The following SRRM4 variants were observed in gnomAD, a reference collection of about 807,000 sequenced individuals.
SRRM4 encodes the protein serine/arginine repetitive matrix 4.
SRRM4 carries 33 observed loss-of-function variants against 68.9 expected under a neutral mutation model. That is an observed-to-expected ratio of 0.48 (90% CI 0.36 to 0.64). The LOEUF (loss-of-function observed/expected upper bound fraction) is 0.64. Ranked by LOEUF, SRRM4 falls within the 30% of genes least tolerant of loss-of-function variation. SRRM4 has a pLI of 0.00. For synonymous variants in SRRM4, 318 were observed against 318.8 expected (o/e 1.00, Z 0.03); for missense variants, 817 against 827.1 (o/e 0.99, Z 0.15).
At chr12:119,020,918 GAGATGC>G (rs1565890808) in intron 1 of SRRM4, among the ~76,000 whole-genome samples, 5 of 152,220 alleles carry the variant, frequency 3.3e-5, no homozygotes, top group African/African-American at 1.2e-4. Flanking sequence ...ACAGGAAAAG[GAGATGC>G]CTTCTCGCCC....
chr12:119,056,055 C>T (rs868540866), intron 1 of SRRM4, among the ~76,000 whole-genome samples: 1 of 152,320 alleles, frequency 6.6e-6, no homozygotes, highest in Middle Eastern at 3.4e-3. Flanking sequence ...TACACCCTGG[C>T]TACAATTGCC....
intron 1 of SRRM4, among the ~76,000 whole-genome samples, chr12:119,065,698 G>A (rs895856288): frequency 6.6e-6 from 1 of 152,166 alleles, no homozygotes; most frequent in Non-Finnish European, 1.5e-5. Context: ...GTTGCAGTGA[G>A]CCGAGATTGT....
rs1486852211 is a variant in SRRM4, at chr12:119,011,803, G to A, written c.131+29790G>A. 2.0e-5 allele frequency among the ~76,000 whole-genome samples: 3 copies of A among 152,130 alleles called. No individual in the cohort carries two copies. In the East Asian group the frequency reaches 5.8e-4, roughly 29 times the overall value. On this transcript the variant is annotated intron_variant, in intron 1 of 12. Coordinates refer to ENST00000267260, the MANE Select transcript of SRRM4 (RefSeq NM_194286.4). Reference sequence around the variant, plus strand: ...AGACCAGTGCCATTGCCGAGTGTCAGTTGTGGGCATCTTACTGCACATAGC... The same window carrying A: ...AGACCAGTGCCATTGCCGAGTGTCAATTGTGGGCATCTTACTGCACATAGC...
intron 1 of SRRM4, among the ~76,000 whole-genome samples, chr12:119,060,153 T>C (rs1953801715): frequency 2.0e-5 from 3 of 152,052 alleles, no homozygotes; most frequent in Admixed American, 2.0e-4. Flanking sequence ...GCTTTGATAT[T>C]TCATGAACTA....
Position 119,154,298 on chromosome 12 carries a change from G to T in SRRM4, c.1447G>T (p.Ala483Ser), listed in dbSNP as rs555479589. ...KDSQQRERER[A>S]RRRRRSYSPM... ...CTCGCAGCAGCGGGAGCGCGAGCGA[G>T]CGCGTCGGAGACGTCGGTCCTACTC... Residue 483 changes from alanine to serine, a missense_variant, in exon 12 of 13, where the codon GCG becomes TCG. Transcript: ENST00000267260. The surrounding 1 kb of genome is among the most constrained non-coding windows in gnomAD (Gnocchi z 4.7). 6.2e-7 allele frequency: 1 copy of T among 1,611,798 alleles called. No individual in the cohort carries two copies. The highest frequency in any genetic ancestry group is 1.3e-5 in the African/African-American group (1 of 75,058).
Position 119,154,728 on chromosome 12 carries a change from A to T in SRRM4, c.1532+345A>T, listed in dbSNP as rs551408393. ...CTGGGGGAGAGAGTGGCGTCAGGCC[A>T]GGGAATGGAGGCCAAAGCAATGGAG... On this transcript the variant is annotated intron_variant, in intron 12 of 12. Transcript: ENST00000267260. This position sits in a 1 kb window ranked among gnomAD's most constrained non-coding sequence, Gnocchi z 4.7. Among the ~76,000 whole-genome samples the T allele has an allele frequency of 1.3e-5, 2 of 152,282 alleles. No homozygotes were observed. Among genetic ancestry groups the T allele is most frequent in the Admixed American group, 1.3e-4 (2 of 15,308 alleles).
intron 1 of SRRM4, among the ~76,000 whole-genome samples, chr12:119,089,720 T>C (rs1202356912): frequency 6.7e-6 from 1 of 150,318 alleles, no homozygotes; most frequent in African/African-American, 2.5e-5. Flanking sequence ...GACCACCCTC[T>C]CTATTCATCC....
intron 1 of SRRM4, among the ~76,000 whole-genome samples, chr12:119,033,700 G>GTTTC (rs1230646993): frequency 6.0e-5 from 9 of 150,990 alleles, no homozygotes; most frequent in African/African-American, 2.2e-4. Flanking sequence ...CTTTAGACAT[G>GTTTC]TTTCGTGTTT....
intron 2 of SRRM4, among the ~76,000 whole-genome samples, chr12:119,112,615 A>C (rs1223914163): frequency 6.6e-6 from 1 of 152,266 alleles, no homozygotes; most frequent in East Asian, 1.9e-4. Flanking sequence ...AATACTATGC[A>C]GTATTCCATA....
intron 1 of SRRM4, among the ~76,000 whole-genome samples, chr12:118,986,008 G>T (rs865949369): frequency 1.3e-5 from 2 of 151,960 alleles, no homozygotes; most frequent in African/African-American, 4.8e-5. Flanking sequence ...TCCTTTCTAC[G>T]CAGAATAGAC....
chr12:119,091,337 G>T (rs1954013118), intron 1 of SRRM4, among the ~76,000 whole-genome samples: 1 of 152,170 alleles, frequency 6.6e-6, no homozygotes, highest in South Asian at 2.1e-4. Flanking sequence ...TTCTGAAGTA[G>T]CCACTCAGCT....
chr12:119,101,990 C>T (rs1565908343), intron 1 of SRRM4, among the ~76,000 whole-genome samples: 1 of 152,088 alleles, frequency 6.6e-6, no homozygotes, highest in Non-Finnish European at 1.5e-5. Context: ...TTTCAGAATG[C>T]GTGGACTCTA....
chr12:118,986,462 T>C (rs1953282795), intron 1 of SRRM4, among the ~76,000 whole-genome samples: 1 of 152,206 alleles, frequency 6.6e-6, no homozygotes, highest in African/African-American at 2.4e-5. Flanking sequence ...AACGAGGTTG[T>C]GGTAGATGTT....
At chr12:119,138,086 C>T (rs7306368) in intron 8 of SRRM4, among the ~76,000 whole-genome samples, 2 of 151,748 alleles carry the variant, frequency 1.3e-5, no homozygotes, top group East Asian at 1.9e-4. Context: ...GTTTGGGGTC[C>T]GGAGAGCTCA....
intron 1 of SRRM4, among the ~76,000 whole-genome samples, chr12:119,077,315 T>C (rs1953922447): frequency 1.3e-5 from 2 of 152,164 alleles, no homozygotes; most frequent in African/African-American, 4.8e-5. Context: ...CACACAACTG[T>C]CCTAGGTGAT....
intron 12 of SRRM4, among the ~76,000 whole-genome samples, chr12:119,155,736 G>GAA (rs141968125): frequency 2.6e-5 from 4 of 152,116 alleles, no homozygotes; most frequent in African/African-American, 9.7e-5. Flanking sequence ...GACCCTGTCT[G>GAA]AAAAAATGTA....
At chr12:119,055,130 C>T (rs936723858) in intron 1 of SRRM4, among the ~76,000 whole-genome samples, 1 of 152,122 alleles carries the variant, frequency 6.6e-6, no homozygotes, top group South Asian at 2.1e-4. Flanking sequence ...AACGGATGCT[C>T]AGCAGGGAAA....
chr12:119,154,213 GCTCCCCAGTAACCCCCCGCGCC>G lies in SRRM4; in HGVS notation c.1392-28_1392-7del. ...ACGCAGAAAATCCAGCCCAGCCCCA[GCTCCCCAGTAACCCCCCGCGCC>G]CCTTCAGGGAGCGGGATCCCAAATA... On this transcript the variant is annotated splice_region_variant and splice_polypyrimidine_tract_variant and intron_variant, in intron 11 of 12. Coordinates refer to ENST00000267260, the MANE Select transcript of SRRM4 (RefSeq NM_194286.4). The surrounding 1 kb of genome is among the most constrained non-coding windows in gnomAD (Gnocchi z 4.7). The G allele has an allele frequency of 6.4e-7, 1 of 1,573,770 alleles. No individual in the cohort carries two copies. Among genetic ancestry groups the G allele is most frequent in the Non-Finnish European group, 8.6e-7 (1 of 1,156,752 alleles).
At chr12:119,050,433 G>A (rs1236290901) in intron 1 of SRRM4, among the ~76,000 whole-genome samples, 2 of 152,188 alleles carry the variant, frequency 1.3e-5, no homozygotes, top group South Asian at 2.1e-4. Flanking sequence ...ATAGCTAATC[G>A]CATAAACAAA....
Sources: allele counts gnomAD v4.1 joint callset (sites outside exome capture counted in the v4.1 genomes callset), GRCh38; gene constraint gnomAD v4.1.1; non-coding constraint Gnocchi (gnomAD v3.1); transcripts MANE v1.5; gene names NCBI Gene and HGNC (gene_info 2026-07-23, HGNC 2026-07-21).